Variants in TACC2 observed in about 807,000 individuals in gnomAD.
TACC2 encodes the protein transforming acidic coiled-coil containing protein 2.
In TACC2, 137 loss-of-function variants were observed where a neutral mutation model predicts 227.3. The ratio of observed to expected loss-of-function variants is 0.60; its 90% confidence interval spans 0.52 to 0.69. The LOEUF is 0.69. Among genes scored for constraint, TACC2 ranks in the 30% least tolerant of loss-of-function variants. The pLI is 0.00. For synonymous variants in TACC2, 1,523 were observed against 1,487.5 expected (o/e 1.02, Z -0.55); for missense variants, 3,470 against 3,694.4 (o/e 0.94, Z 1.57).
chr10:122,113,862 T>G (rs2084128737), intron 5 of TACC2, among the ~76,000 whole-genome samples: 1 of 152,148 alleles, frequency 6.6e-6, no homozygotes, highest in African/African-American at 2.4e-5. Context: ...CGCCGCAGAG[T>G]GCGCCTCTGC....
chr10:122,115,307 TGTGTGTGTGTGTGA>T (rs1392178074), intron 5 of TACC2, among the ~76,000 whole-genome samples: 2 of 6,334 alleles, frequency 3.2e-4, no homozygotes, highest in Non-Finnish European at 2.3e-3. Flanking sequence ...TGTGTGTGTG[TGTGTGTGTGTGTGA>T]GATACCTGAG....
Position 122,085,387 on chromosome 10 carries a change from C to G in TACC2, c.2887C>G (p.Pro963Ala). The change falls in exon 4 of 23, where the codon CCT becomes GCT. Residue 963 changes from proline to alanine, a missense_variant. Physicochemically the swap from Pro to Ala is conservative, Grantham distance 27 (BLOSUM62 -1). Coordinates refer to ENST00000369005, the MANE Select transcript of TACC2 (RefSeq NM_206862.4). ...CGDGQSSRVS[P>A]PAADVLKDFS... ...TGATGGTCAGTCCTCGAGGGTCTCG[C>G]CTCCAGCAGCAGATGTCTTAAAAGA... 6.2e-7 allele frequency: 1 copy of G among 1,614,010 alleles called. No individual in the cohort carries two copies. The highest frequency in any genetic ancestry group is 1.7e-5 in the Admixed American group (1 of 60,024).
chr10:122,220,385 T>C (rs1565676040), intron 11 of TACC2, among the ~76,000 whole-genome samples: 1 of 152,200 alleles, frequency 6.6e-6, no homozygotes, highest in Non-Finnish European at 1.5e-5. Flanking sequence ...TGGGAAGTCA[T>C]GACTATAATT....
intron 6 of TACC2, among the ~76,000 whole-genome samples, chr10:122,139,108 T>C (rs951722713): frequency 6.6e-6 from 1 of 152,226 alleles, no homozygotes; most frequent in Non-Finnish European, 1.5e-5. Context: ...GGTTTTGGGA[T>C]GGTGTTTATC....
At chr10:122,167,831 C>T (rs946220423) in intron 7 of TACC2, among the ~76,000 whole-genome samples, 35 of 152,216 alleles carry the variant, frequency 2.3e-4, no homozygotes, top group African/African-American at 8.0e-4. Context: ...AGGCCAGAAA[C>T]GGTCGCTGGG....
At chr10:122,004,385 G>A (rs543356950) in intron 1 of TACC2, among the ~76,000 whole-genome samples, 138 of 145,284 alleles carry the variant, frequency 9.5e-4, no homozygotes, top group Middle Eastern at 3.6e-3. Flanking sequence ...GCGACAGAGC[G>A]AGACTCTGTC....
intron 16 of TACC2, among the ~76,000 whole-genome samples, chr10:122,236,550 C>G (rs2095859842): frequency 6.6e-6 from 1 of 151,306 alleles, no homozygotes; most frequent in Non-Finnish European, 1.5e-5. Context: ...TTGCAAATTG[C>G]CGAGCATTTT....
intron 12 of TACC2, 127 bp downstream of exon 12, chr10:122,224,914 CG>C: frequency 1.3e-6 from 1 of 764,730 alleles, no homozygotes; most frequent in South Asian, 1.7e-5. Flanking sequence ...CACAGCTTCC[CG>C]GGTGCACAGC....
intron 2 of TACC2, chr10:122,023,151 T>A (rs1203646433): frequency 6.6e-6 from 1 of 152,098 alleles, no homozygotes; most frequent in Non-Finnish European, 1.5e-5. Flanking sequence ...TGCCTCAGCC[T>A]CCCGAGTAGC....
At chr10:122,095,884 T>A (rs2081328565) in intron 5 of TACC2, among the ~76,000 whole-genome samples, 1 of 152,230 alleles carries the variant, frequency 6.6e-6, no homozygotes, top group Non-Finnish European at 1.5e-5. Context: ...TTTGTTTAAT[T>A]TCAACTAATT....
Position 122,086,879 on chromosome 10 carries a change from T to A in TACC2, c.4379T>A (p.Val1460Asp). The A allele has an allele frequency of 6.2e-7, 1 of 1,613,926 alleles. No homozygotes were observed. The highest frequency in any genetic ancestry group is 2.2e-5 in the East Asian group (1 of 44,864). Residue 1460 changes from valine (V) to aspartate (D), a missense_variant, in exon 4 of 23, where the codon GTC (valine) becomes GAC (aspartate). By Grantham distance (152) the Val-to-Asp change is radical. This residue lies in a region of TACC2 where 1,924 missense variants were observed against 1,978.3 expected (regional missense o/e 0.97). Coordinates refer to ENST00000369005, the MANE Select transcript of TACC2 (RefSeq NM_206862.4). ...KLLDGPPGVD[V>D]TLLPAPPARL... ...CTAGATGGGCCTCCAGGAGTGGATGTCACCCTTCTCCCTGCACCTCCTGCT... is the reference window on the plus strand; with the variant it reads ...CTAGATGGGCCTCCAGGAGTGGATGACACCCTTCTCCCTGCACCTCCTGCT...
chr10:122,086,777 C>A lies in TACC2; in HGVS notation c.4277C>A (p.Thr1426Lys), dbSNP rs758659101. The A allele has an allele frequency of 1.2e-6, 2 of 1,613,988 alleles. No homozygotes were observed. Among genetic ancestry groups the A allele is most frequent in the Admixed American group, 3.3e-5 (2 of 60,016 alleles). ...AAGCCTGTGCTCGGAGCCCTGGCCACACCTGGAGAAAAGGCAGGAGCTGGG... is the reference window on the plus strand; with the variant it reads ...AAGCCTGTGCTCGGAGCCCTGGCCAAACCTGGAGAAAAGGCAGGAGCTGGG... ...FEKPVLGALA[T>K]PGEKAGAGRS... Residue 1426 changes from threonine to lysine, a missense_variant, in exon 4 of 23, where the codon ACA becomes AAA. Physicochemically the swap from Thr to Lys is moderately conservative, Grantham distance 78 (BLOSUM62 -1). This residue lies in a region of TACC2 where 1,924 missense variants were observed against 1,978.3 expected (regional missense o/e 0.97). Coordinates refer to ENST00000369005, the MANE Select transcript of TACC2 (RefSeq NM_206862.4).
At chr10:122,088,425 A>T in intron 4 of TACC2, 53 bp from the exon 5 acceptor site, 1 of 1,481,594 alleles carries the variant, frequency 6.7e-7, no homozygotes. Context: ...ACATGAGGAG[A>T]AATGCCTTAC....
chr10:121,993,931 C>A (rs1178550949), intron 1 of TACC2, among the ~76,000 whole-genome samples: 1 of 152,166 alleles, frequency 6.6e-6, no homozygotes, highest in African/African-American at 2.4e-5. Flanking sequence ...CCACCACACC[C>A]AGCCCCTTTC....
intron 1 of TACC2, among the ~76,000 whole-genome samples, chr10:122,021,244 G>T (rs1011750151): frequency 1.3e-5 from 2 of 150,882 alleles, no homozygotes; most frequent in Admixed American, 6.6e-5. Context: ...AAAAAAGGCG[G>T]GGGGGAAGAA....
In TACC2 at chr10:121,996,083, G is replaced by C. The variant is rs1023720144; in HGVS notation, c.-46+6595G>C. On this transcript the variant is annotated intron_variant, in intron 1 of 22. Coordinates refer to ENST00000369005, the MANE Select transcript of TACC2 (RefSeq NM_206862.4). The stretch of plus-strand genomic sequence containing the variant: ...CCCTTTTCATTTATATTTTTTATTT[G>C]AGATAGGATCTTGCTCTGTTGCCCA... 2.0e-5 allele frequency among the ~76,000 whole-genome samples: 3 copies of C among 151,684 alleles called. No individual in the cohort carries two copies. The East Asian group carries it at 5.8e-4, about 29-fold the overall frequency.
chr10:122,221,684 C>A (rs1431506370), intron 11 of TACC2, among the ~76,000 whole-genome samples: 1 of 152,222 alleles, frequency 6.6e-6, no homozygotes, highest in East Asian at 1.9e-4. Context: ...GAAATACTAG[C>A]CATGAGCAGG....
chr10:122,071,332 A>T lies in TACC2; in HGVS notation c.147-11315A>T, dbSNP rs1010544678. ...ACAGACAGATGTGAAAGCCAAGTTCATTCTGGCTATGGGGAGTACTGGTGT... is the reference window on the plus strand; with the variant it reads ...ACAGACAGATGTGAAAGCCAAGTTCTTTCTGGCTATGGGGAGTACTGGTGT... On this transcript the variant is annotated intron_variant, in intron 3 of 22. Coordinates refer to ENST00000369005, the MANE Select transcript of TACC2 (RefSeq NM_206862.4). 4.6e-5 allele frequency among the ~76,000 whole-genome samples: 7 copies of T among 152,340 alleles called. No individual in the cohort carries two copies. In the East Asian group the frequency reaches 1.2e-3, roughly 25 times the overall value.
chr10:121,991,650 A>G (rs1953031906), intron 1 of TACC2, among the ~76,000 whole-genome samples: 1 of 152,220 alleles, frequency 6.6e-6, no homozygotes, highest in Non-Finnish European at 1.5e-5. Context: ...CGGTATACAG[A>G]GATGTCTGCA....
Sources: allele counts gnomAD v4.1 joint callset (sites outside exome capture counted in the v4.1 genomes callset), GRCh38; gene constraint gnomAD v4.1.1; regional missense constraint gnomAD v4.1.1; transcripts MANE v1.5; gene names NCBI Gene and HGNC (gene_info 2026-07-23, HGNC 2026-07-21).